The following ANKRD18A variants were observed in gnomAD, a reference collection of about 807,000 sequenced individuals.
ANKRD18A encodes ankyrin repeat domain-containing protein 18A.
A neutral mutation model predicts 110.6 loss-of-function variants in ANKRD18A; 72 were observed. The observed-to-expected ratio is 0.65, with a 90% confidence interval of 0.54 to 0.79. The LOEUF is 0.79. Among genes scored for constraint, ANKRD18A ranks in the 30% least tolerant of loss-of-function variants. The probability of loss-of-function intolerance (pLI) is 0.00; values close to 1 mark genes in which losing one functional copy is unlikely to be tolerated. For synonymous variants in ANKRD18A, 305 were observed against 410.3 expected, an observed-to-expected ratio of 0.74 and a Z score of 3.10; for missense variants, 934 against 1,163.3, an observed-to-expected ratio of 0.80 and a Z score of 2.87.
At chr9:38,588,354 A>C (rs1824475391) in intron 11 of ANKRD18A, among the ~76,000 whole-genome samples, 197 bp downstream of exon 11, 1 of 152,288 alleles carries the variant, frequency 6.6e-6, no homozygotes, top group South Asian at 2.1e-4. Context: ...CCAACAAAAA[A>C]GTCCAAGGGT....
intron 4 of ANKRD18A, among the ~76,000 whole-genome samples, chr9:38,610,948 C>T (rs1825595119): frequency 6.6e-6 from 1 of 151,210 alleles, no homozygotes; most frequent in Middle Eastern, 3.2e-3. Flanking sequence ...AATACAAACC[C>T]CCTTTAGCTA....
chr9:38,618,462 A>G lies in ANKRD18A; in HGVS notation c.206+1618T>C, dbSNP rs1563981104. On this transcript the variant is annotated intron_variant, in intron 1 of 15. Coordinates refer to ENST00000399703, the MANE Select transcript of ANKRD18A (RefSeq NM_147195.4). ...ACCTTCAATGGCCACATACCATTCT[A>G]TGGGTTCTTGTTAACATAAATGCTG... 2.0e-5 allele frequency among the ~76,000 whole-genome samples: 3 copies of G among 152,136 alleles called. No homozygotes were observed. In the South Asian group the frequency reaches 6.2e-4, roughly 32 times the overall value.
intron 8 of ANKRD18A, among the ~76,000 whole-genome samples, chr9:38,599,434 T>C (rs968083284): frequency 3.9e-5 from 6 of 152,134 alleles, no homozygotes; most frequent in African/African-American, 1.4e-4. Flanking sequence ...TTCAAAACTT[T>C]CACCAATCTT....
rs565350037 is a variant in ANKRD18A at position 38,600,510 on chromosome 9, C to G, written c.936+621G>C. Among the ~76,000 whole-genome samples, 5 of 152,314 alleles carry G rather than the reference C, an allele frequency of 3.3e-5. No homozygotes were observed. In the South Asian group the frequency reaches 1.0e-3, roughly 32 times the overall value. On this transcript the variant is annotated intron_variant, in intron 8 of 15. Transcript: ENST00000399703. ...AAGCTCCACTAGTGACAGCGCTTTA[C>G]AAATTTTAATAGCATTTTCTACTTA...
chr9:38,590,442 G>A (rs920977323), intron 10 of ANKRD18A, among the ~76,000 whole-genome samples: 1 of 152,020 alleles, frequency 6.6e-6, no homozygotes, highest in African/African-American at 2.4e-5. Context: ...AGTAGAGACA[G>A]GGTTTCACCA....
rs530088981 is a variant in ANKRD18A at position 38,600,237 on chromosome 9, G to A, written c.936+894C>T. 1.8e-4 allele frequency among the ~76,000 whole-genome samples: 28 copies of A among 152,290 alleles called. No homozygotes were observed. The East Asian group carries it at 2.7e-3, about 15-fold the overall frequency. On this transcript the variant is annotated intron_variant, in intron 8 of 15. Coordinates refer to ENST00000399703, the MANE Select transcript of ANKRD18A (RefSeq NM_147195.4). The stretch of plus-strand genomic sequence containing the variant: ...ACAGAAATAGGTTCACAGATGATAT[G>A]TAGTATCTAAAGGCTTTCTCTCTTG...
intron 10 of ANKRD18A, among the ~76,000 whole-genome samples, chr9:38,590,584 A>G (rs1255366241): frequency 1.3e-5 from 2 of 152,178 alleles, no homozygotes; most frequent in Non-Finnish European, 2.9e-5. Flanking sequence ...CTTTTCCATG[A>G]GAATCAGATT....
chr9:38,579,686 G>A (rs1344665271), intron 12 of ANKRD18A, among the ~76,000 whole-genome samples: 1 of 152,178 alleles, frequency 6.6e-6, no homozygotes, highest in African/African-American at 2.4e-5. Context: ...AAAAGTGCTG[G>A]TGAGGTTTCA....
At chr9:38,589,471 G>A (rs1200239088) in intron 10 of ANKRD18A, among the ~76,000 whole-genome samples, 1 of 152,220 alleles carries the variant, frequency 6.6e-6, no homozygotes, top group African/African-American at 2.4e-5. Flanking sequence ...TAATTGTTCT[G>A]CCTCTGTATC....
chr9:38,615,722 A>T lies in ANKRD18A; in HGVS notation c.367T>A (p.Cys123Ser), dbSNP rs747500298. The T allele has an allele frequency of 3.1e-6, 5 of 1,612,976 alleles. No homozygotes were observed. Among genetic ancestry groups the T allele is most frequent in the Non-Finnish European group, 4.2e-6 (5 of 1,179,876 alleles). Residue 123 changes from cysteine (C) to serine (S), a missense_variant, in exon 3 of 16, where the codon TGT becomes AGT. Coordinates refer to ENST00000399703, the MANE Select transcript of ANKRD18A (RefSeq NM_147195.4). Reference sequence around the variant, plus strand: ...TCCTCAATGTTTGGATTGGCGCCACATTCCAGGAGAACGATGGCACAAGCC... The same window carrying T: ...TCCTCAATGTTTGGATTGGCGCCACTTTCCAGGAGAACGATGGCACAAGCC... ...EEACAIVLLECGANPNIEDIY... is the reference protein window; with the variant it reads ...EEACAIVLLESGANPNIEDIY...
Position 38,607,420 on chromosome 9 carries a change from T to C in ANKRD18A, c.808+6A>G, listed in dbSNP as rs750077231. The C allele has an allele frequency of 4.0e-6, 6 of 1,483,202 alleles. No individual in the cohort carries two copies. The South Asian group carries it at 6.6e-5, about 16-fold the overall frequency. 91.9% of individuals were successfully genotyped at this position (1,483,202 alleles called of 1,614,324 possible). ...GAAATGAGAAATTTACTATCAGAAGTCTTACCTTGATTGTCATTTCGAAGA... is the reference window on the plus strand; with the variant it reads ...GAAATGAGAAATTTACTATCAGAAGCCTTACCTTGATTGTCATTTCGAAGA... On this transcript the variant is annotated splice_donor_region_variant and intron_variant, in intron 6 of 15. Transcript: ENST00000399703.
Position 38,601,171 on chromosome 9 carries a change from T to C in ANKRD18A, c.896A>G (p.Lys299Arg). The C allele has an allele frequency of 1.3e-6, 2 of 1,560,482 alleles. No homozygotes were observed. The highest frequency in any genetic ancestry group is 1.7e-6 in the Non-Finnish European group (2 of 1,151,296). Residue 299 changes from lysine (K) to arginine (R), a missense_variant, in exon 8 of 16, where the codon AAG (lysine) becomes AGG (arginine). Around this residue, in one of 4 missense-constraint regions of ANKRD18A, gnomAD observed 630 missense variants for 797.5 expected, o/e 0.79. Coordinates refer to ENST00000399703, the MANE Select transcript of ANKRD18A (RefSeq NM_147195.4). ...EHNLKVASEE[K>R]QERLQRSENK... ...TTCACTTCTTTGGAGCCTTTCTTGC[T>C]TTTCCTCTGAAGCCACTTTTAGGTT...
chr9:38,570,633 A>G (rs1404827499), downstream of ANKRD18A, among the ~76,000 whole-genome samples: 2 of 152,232 alleles, frequency 1.3e-5, no homozygotes, highest in African/African-American at 2.4e-5. Context: ...ATCTCTGACC[A>G]TGGTCCACTG....
In ANKRD18A at chr9:38,571,864, TA is replaced by T; in HGVS notation, c.*180del. The T allele has an allele frequency of 7.7e-7, 1 of 1,301,796 alleles. No homozygotes were observed. The highest frequency in any genetic ancestry group is 9.8e-7 in the Non-Finnish European group (1 of 1,016,024). The allele number at this position is 1,301,796 out of a possible 1,614,324, so 80.6% of individuals were successfully genotyped here. On this transcript the variant is annotated 3_prime_UTR_variant, in exon 16 of 16. Transcript: ENST00000399703. The stretch of plus-strand genomic sequence containing the variant: ...GTGACATGAAAATATTCTACTTTAG[TA>T]AAGATTATGATGTTTTATATTATAT...
downstream of ANKRD18A, chr9:38,568,686 G>T (rs3005812): frequency 0.37 from 351,100 of 953,840 alleles, 66,099 homozygotes; most frequent in East Asian, 0.68. Flanking sequence ...CACAGGTCCT[G>T]GGTACTGACA....
In ANKRD18A at chr9:38,578,065, C is replaced by T; in HGVS notation, c.2331G>A (p.Glu777=). The change falls in exon 13 of 16, where the codon GAG becomes GAA. Residue 777 remains glutamate (E), a synonymous_variant. Coordinates refer to ENST00000399703, the MANE Select transcript of ANKRD18A (RefSeq NM_147195.4). ...LAKDNEVLHQ[E]LLSMRNVQEK... is the part of the protein sequence containing the mutation. Reference sequence around the variant, plus strand: ...CTTGTACATTTCTCATAGATAATAACTCCTGATGAAGAACTTCATTGTCTT... The same window carrying T: ...CTTGTACATTTCTCATAGATAATAATTCCTGATGAAGAACTTCATTGTCTT... The T allele has an allele frequency of 6.4e-7, 1 of 1,550,760 alleles. No homozygotes were observed. Among genetic ancestry groups the T allele is most frequent in the Non-Finnish European group, 8.7e-7 (1 of 1,146,506 alleles).
chr9:38,573,372 T>A (rs1196007355), intron 15 of ANKRD18A, among the ~76,000 whole-genome samples: 1 of 152,208 alleles, frequency 6.6e-6, no homozygotes, highest in Non-Finnish European at 1.5e-5. Context: ...TAGATAATAT[T>A]GGTCTATTGG....
chr9:38,589,049 G>A (rs1216409881), intron 10 of ANKRD18A, among the ~76,000 whole-genome samples: 1 of 152,178 alleles, frequency 6.6e-6, no homozygotes, highest in Non-Finnish European at 1.5e-5. Flanking sequence ...ATCTTACTAA[G>A]ATGATTTTTA....
chr9:38,570,369 T>A (rs1587474394), downstream of ANKRD18A, among the ~76,000 whole-genome samples: 1 of 151,936 alleles, frequency 6.6e-6, no homozygotes, highest in African/African-American at 2.4e-5. Flanking sequence ...CTGACCAGGC[T>A]CCAAGCCACT....
Sources: gnomAD v4.1 joint callset for allele counts (sites outside exome capture counted in the v4.1 genomes callset) on GRCh38, gnomAD v4.1.1 for gene constraint, gnomAD v4.1.1 regional missense constraint, MANE v1.5 for transcripts, NCBI Gene and HGNC (gene_info 2026-07-23, HGNC 2026-07-21) for gene names.